TRPM3: variants seen among roughly 807,000 people sequenced by gnomAD.
TRPM3 encodes long transient receptor potential channel 3.
TRPM3 carries 77 observed loss-of-function variants against 181.2 expected under a neutral mutation model. The observed-to-expected ratio is 0.42, with a 90% CI of 0.35 to 0.51. The LOEUF (loss-of-function observed/expected upper bound fraction) is 0.51. Among genes scored for constraint, TRPM3 ranks in the 20% least tolerant of loss-of-function variants. The pLI is 0.01. For synonymous variants in TRPM3, 745 were observed against 796.4 expected (o/e 0.94, Z 1.09); for missense variants, 1,759 against 2,196.7 (o/e 0.80, Z 3.98).
intron 1 of TRPM3, among the ~76,000 whole-genome samples, chr9:71,396,302 T>TAA (rs11460801): frequency 0.011 from 1,540 of 141,298 alleles, 7 homozygotes; most frequent in South Asian, 0.02. Flanking sequence ...GTGCTATTGC[T>TAA]AAAAAAAAAA....
chr9:70,615,681 C>T (rs2062679931), intron 18 of TRPM3, among the ~76,000 whole-genome samples: 1 of 152,236 alleles, frequency 6.6e-6, no homozygotes, highest in Admixed American at 6.5e-5. Flanking sequence ...TCCTGCACCA[C>T]TAGCTGGCTG....
intron 3 of TRPM3, among the ~76,000 whole-genome samples, chr9:70,847,044 G>C (rs919016422): frequency 1.4e-4 from 22 of 152,116 alleles, no homozygotes; most frequent in African/African-American, 5.3e-4. Context: ...AATGTAATGA[G>C]AGTTTTAAAA....
At chr9:71,160,483 C>T (rs562555175) in intron 1 of TRPM3, among the ~76,000 whole-genome samples, 7 of 152,256 alleles carry the variant, frequency 4.6e-5, no homozygotes, top group South Asian at 2.1e-4. Flanking sequence ...CCTTAACCCA[C>T]GTCATAACAC....
Position 71,388,713 on chromosome 9 carries a change from T to C in TRPM3, c.183+57940A>G, listed in dbSNP as rs144042844. On this transcript the variant is annotated intron_variant, in intron 1 of 24. Transcript: ENST00000357533. ...TGTACCACCCAAGGGAGACTTTAGC[T>C]TCAGAGCAAAGTCACTTAAAACTCA... Among the ~76,000 whole-genome samples, 477 of 152,244 alleles carry C rather than the reference T, an allele frequency of 3.1e-3. 3 individuals are homozygous for C. The highest frequency in any genetic ancestry group is 1.0e-2 in the African/African-American group (414 of 41,556).
At chr9:70,856,517 T>C (rs529042845) in intron 3 of TRPM3, among the ~76,000 whole-genome samples, 38 of 152,252 alleles carry the variant, frequency 2.5e-4, no homozygotes, top group African/African-American at 9.1e-4. Flanking sequence ...GTTTTTTAAA[T>C]CTCAAATTCA....
At chr9:71,096,362 C>T (rs1218179586) in intron 1 of TRPM3, among the ~76,000 whole-genome samples, 5 of 149,884 alleles carry the variant, frequency 3.3e-5, no homozygotes, top group Non-Finnish European at 5.9e-5. Flanking sequence ...GTAATCATGT[C>T]CATGGTTAAA....
chr9:71,032,572 A>C (rs7025112), intron 1 of TRPM3, among the ~76,000 whole-genome samples: 11,634 of 152,148 alleles, frequency 0.076, 1,502 homozygotes, highest in African/African-American at 0.26. Context: ...AAGCAAAGAC[A>C]TGCTGGATTA....
chr9:71,261,317 C>T (rs966512350), intron 1 of TRPM3, among the ~76,000 whole-genome samples: 1 of 152,164 alleles, frequency 6.6e-6, no homozygotes, highest in East Asian at 1.9e-4. Flanking sequence ...CTTGTGTATG[C>T]TTCACGAAGT....
At chr9:71,170,356 T>G (rs1344190485) in intron 1 of TRPM3, among the ~76,000 whole-genome samples, 2 of 152,216 alleles carry the variant, frequency 1.3e-5, no homozygotes, top group Admixed American at 1.3e-4. Flanking sequence ...ACGTCTGGAC[T>G]GCTAATCCTG....
intron 1 of TRPM3, among the ~76,000 whole-genome samples, chr9:71,000,363 T>C (rs2097585600): frequency 6.6e-6 from 1 of 152,216 alleles, no homozygotes; most frequent in Non-Finnish European, 1.5e-5. Context: ...ATTTCCAAAA[T>C]ACTGCTAAGT....
chr9:71,210,169 A>G (rs2079399315), intron 1 of TRPM3, among the ~76,000 whole-genome samples: 1 of 152,132 alleles, frequency 6.6e-6, no homozygotes, highest in South Asian at 2.1e-4. Context: ...AGGTTCTCAT[A>G]GAAGCAGGAA....
At chr9:71,280,026 C>T (rs1004226976) in intron 1 of TRPM3, among the ~76,000 whole-genome samples, 2 of 147,780 alleles carry the variant, frequency 1.4e-5, no homozygotes, top group Non-Finnish European at 3.0e-5. Flanking sequence ...TGCAGTGAGC[C>T]GAGATCTTGA....
At chr9:71,376,468 A>G (rs1240721618) in intron 1 of TRPM3, among the ~76,000 whole-genome samples, 3 of 152,114 alleles carry the variant, frequency 2.0e-5, no homozygotes, top group Non-Finnish European at 4.4e-5. Context: ...GGAGTTCTAT[A>G]TTTGTAACCA....
At chr9:71,268,329 G>T (rs975451476) in intron 1 of TRPM3, among the ~76,000 whole-genome samples, 1 of 151,822 alleles carries the variant, frequency 6.6e-6, no homozygotes, top group African/African-American at 2.4e-5. Flanking sequence ...GCAGTGAGCC[G>T]TGATCACGCC....
chr9:71,080,256 G>A (rs2064089266), intron 1 of TRPM3, among the ~76,000 whole-genome samples: 1 of 151,810 alleles, frequency 6.6e-6, no homozygotes, highest in African/African-American at 2.4e-5. Flanking sequence ...TCTAGTAATT[G>A]GAACGAGACA....
intron 1 of TRPM3, among the ~76,000 whole-genome samples, chr9:71,401,225 C>T (rs2093336373): frequency 7.0e-6 from 1 of 143,088 alleles, no homozygotes. Context: ...AAGAATCTAT[C>T]ATATGGCTAG....
intron 25 of TRPM3, among the ~76,000 whole-genome samples, chr9:70,538,054 G>A (rs1206980234): frequency 6.6e-6 from 1 of 152,036 alleles, no homozygotes; most frequent in East Asian, 1.9e-4. Flanking sequence ...GAGGCATCCA[G>A]GATTGATCTA....
chr9:71,402,572 C>G (rs2093361208), intron 1 of TRPM3, among the ~76,000 whole-genome samples: 1 of 152,184 alleles, frequency 6.6e-6, no homozygotes, highest in African/African-American at 2.4e-5. Flanking sequence ...CAAACACTTT[C>G]TTTCCTACAT....
intron 9 of TRPM3, among the ~76,000 whole-genome samples, chr9:70,643,764 A>G (rs1054957339): frequency 2.0e-5 from 3 of 152,250 alleles, no homozygotes; most frequent in African/African-American, 7.2e-5. Flanking sequence ...GCACAGCCCC[A>G]CAGATTCTAG....
Sources: gnomAD v4.1 joint callset for allele counts (sites outside exome capture counted in the v4.1 genomes callset) on GRCh38, gnomAD v4.1.1 for gene constraint, MANE v1.5 for transcripts, NCBI Gene and HGNC (gene_info 2026-07-23, HGNC 2026-07-21) for gene names.